The following MSN variants were observed in gnomAD, a reference collection of about 807,000 sequenced individuals.
MSN encodes the protein epididymis luminal protein 70.
MSN carries 2 observed loss-of-function variants against 48.0 expected under a neutral mutation model. That is an observed-to-expected ratio of 0.04 (90% CI 0.02 to 0.13). MSN has a LOEUF of 0.13. Ranked by LOEUF, MSN falls within the 10% of genes least tolerant of loss-of-function variation. The pLI is 1.00. For missense variants in MSN, 267 were observed against 470.1 expected, an observed-to-expected ratio of 0.57 and a Z score of 3.99; for synonymous variants, 146 against 166.9, an observed-to-expected ratio of 0.87 and a Z score of 0.97.
chrX:65,588,477 C>T (rs1279877948), exon 1 of MSN: 2 of 655,329 alleles, frequency 3.1e-6, no homozygotes, highest in Non-Finnish European at 3.7e-6. Flanking sequence ...GAGATCTCTC[C>T]ATGCAGGGGC....
intron 1 of MSN, among the ~76,000 whole-genome samples, chrX:65,596,424 AC>A (rs781685105): frequency 9.1e-6 from 1 of 109,817 alleles, no homozygotes; most frequent in East Asian, 2.9e-4. Flanking sequence ...GAAAAGACTC[AC>A]CTCATTTCTC....
intron 1 of MSN, among the ~76,000 whole-genome samples, chrX:65,707,308 A>C (rs2147490693): frequency 9.0e-6 from 1 of 110,577 alleles, no homozygotes; most frequent in South Asian, 3.9e-4. Flanking sequence ...GGAAGCGTCT[A>C]TGTTGAATTG....
At chrX:65,661,255 A>G (rs752642095) in intron 1 of MSN, among the ~76,000 whole-genome samples, 2 of 112,125 alleles carry the variant, frequency 1.8e-5, no homozygotes, top group East Asian at 5.6e-4. Flanking sequence ...TGAGCCACCT[A>G]TAGATGGCTC....
Position 65,681,734 on chromosome X carries a change from C to A in MSN, c.12+13881C>A, listed in dbSNP as rs187479767. Among the ~76,000 whole-genome samples the A allele has an allele frequency of 9.7e-3, 1,089 of 111,843 alleles. 8 individuals are homozygous for A. The highest frequency in any genetic ancestry group is 0.019 in the Middle Eastern group (4 of 216). On this transcript the variant is annotated intron_variant, in intron 1 of 12. Transcript: ENST00000360270. ...TTCATTCAGTGCACTAATGCATCTG[C>A]AAGTGGTCTGTGAGGTGTGAGGCAC...
intron 1 of MSN, among the ~76,000 whole-genome samples, chrX:65,619,211 T>C (rs1220251463): frequency 3.9e-5 from 4 of 103,450 alleles, no homozygotes; most frequent in Non-Finnish European, 7.7e-5. Flanking sequence ...TCGAGGAGTA[T>C]CTTCGTGGCA....
At chrX:65,628,596 G>A (rs964438738) in intron 1 of MSN, among the ~76,000 whole-genome samples, 2 of 111,829 alleles carry the variant, frequency 1.8e-5, no homozygotes, top group Admixed American at 9.5e-5. Flanking sequence ...GAAGACCTCT[G>A]ACATGGCCTG....
chrX:65,640,499 G>A (rs1182656988), intron 1 of MSN, among the ~76,000 whole-genome samples: 1 of 112,199 alleles, frequency 8.9e-6, no homozygotes, highest in Non-Finnish European at 1.9e-5. Context: ...AGCCGAGGTA[G>A]TGCCATTGCA....
At chrX:65,620,927 C>T (rs1382543791) in intron 1 of MSN, among the ~76,000 whole-genome samples, 4 of 101,075 alleles carry the variant, frequency 4.0e-5, no homozygotes, top group African/African-American at 1.1e-4. Context: ...TGATACTTCT[C>T]TGTTGTTGTT....
chrX:65,713,749 T>C (rs1273160030), intron 1 of MSN, among the ~76,000 whole-genome samples: 1 of 111,804 alleles, frequency 8.9e-6, no homozygotes, highest in Non-Finnish European at 1.9e-5. Context: ...CATTAGTTAT[T>C]AAAATATTTT....
intron 1 of MSN, among the ~76,000 whole-genome samples, chrX:65,658,081 C>T (rs1294924093): frequency 2.7e-5 from 3 of 111,951 alleles, no homozygotes; most frequent in Non-Finnish European, 3.8e-5. Flanking sequence ...TCCTTTTACC[C>T]AGATGCTAGC....
At chrX:65,628,890 C>A (rs2070531148) in intron 1 of MSN, among the ~76,000 whole-genome samples, 1 of 108,924 alleles carries the variant, frequency 9.2e-6, no homozygotes. Flanking sequence ...CATGGTGAAA[C>A]CCTGTCTCTG....
At chrX:65,691,590 C>T (rs2071173637) in intron 1 of MSN, among the ~76,000 whole-genome samples, 1 of 110,996 alleles carries the variant, frequency 9.0e-6, no homozygotes, top group Admixed American at 9.6e-5. Context: ...CTGCAACTTT[C>T]GCCTCCTGGG....
intron 1 of MSN, among the ~76,000 whole-genome samples, chrX:65,700,790 A>C (rs2147484015): frequency 8.9e-6 from 1 of 112,042 alleles, no homozygotes; most frequent in African/African-American, 3.2e-5. Flanking sequence ...ATGTTTAACA[A>C]TCAACTCTTC....
chrX:65,734,013 A>G (rs1370767397), intron 7 of MSN, among the ~76,000 whole-genome samples: 2 of 111,695 alleles, frequency 1.8e-5, no homozygotes, highest in African/African-American at 6.5e-5. Flanking sequence ...AAATCTGAAG[A>G]TGATCCTACA....
intron 1 of MSN, among the ~76,000 whole-genome samples, chrX:65,656,016 C>A (rs774531256): frequency 8.9e-6 from 1 of 112,197 alleles, no homozygotes; most frequent in Admixed American, 9.5e-5. Flanking sequence ...ATTCACCCGC[C>A]TTGGCCTCCC....
intron 1 of MSN, among the ~76,000 whole-genome samples, chrX:65,605,699 C>T (rs1045217666): frequency 9.0e-6 from 1 of 111,066 alleles, no homozygotes; most frequent in Non-Finnish European, 1.9e-5. Context: ...CTTTTCTCAC[C>T]GTGATTCAGC....
intron 1 of MSN, among the ~76,000 whole-genome samples, chrX:65,605,487 C>T (rs1320981172): frequency 8.9e-6 from 1 of 112,073 alleles, no homozygotes; most frequent in African/African-American, 3.2e-5. Flanking sequence ...TGGCTTCTAC[C>T]CTTGCCCCCT....
intron 1 of MSN, among the ~76,000 whole-genome samples, chrX:65,696,920 A>C: frequency 9.0e-6 from 1 of 110,566 alleles, no homozygotes; most frequent in East Asian, 2.8e-4. Context: ...CAAAACAATC[A>C]TAGATCCATA....
intron 1 of MSN, among the ~76,000 whole-genome samples, chrX:65,633,485 A>C (rs1262653478): frequency 8.9e-6 from 1 of 112,460 alleles, no homozygotes; most frequent in Admixed American, 9.4e-5. Context: ...TAAGACAATA[A>C]ACCCAGATCC....
Sources: gnomAD v4.1 joint callset for allele counts (sites outside exome capture counted in the v4.1 genomes callset) on GRCh38, gnomAD v4.1.1 for gene constraint, MANE v1.5 for transcripts, NCBI Gene and HGNC (gene_info 2026-07-23, HGNC 2026-07-21) for gene names.